ABTB2: variants seen among roughly 807,000 people sequenced by gnomAD.
ABTB2 encodes ankyrin repeat and BTB/POZ domain-containing protein 2.
Under a neutral mutation model 104.1 loss-of-function variants are expected in ABTB2, and 56 were observed. The observed-to-expected ratio is 0.54, with a 90% CI of 0.43 to 0.67. ABTB2 has a LOEUF of 0.67. ABTB2 is among the 30% of genes least tolerant of loss of function. The pLI, the probability that ABTB2 is intolerant of heterozygous loss-of-function variation, is 0.00. For synonymous variants in ABTB2, 606 were observed against 608.2 expected (o/e 1.00, Z 0.05); for missense variants, 1,279 against 1,407.7 (o/e 0.91, Z 1.46).
At chr11:34,259,977 T>C (rs530879327) in intron 1 of ABTB2, among the ~76,000 whole-genome samples, 8 of 152,234 alleles carry the variant, frequency 5.3e-5, no homozygotes, top group Admixed American at 5.2e-4. Flanking sequence ...GCTAATTTTT[T>C]ATTGTATTTT....
In ABTB2 at chr11:34,151,894, G is replaced by A. The variant is rs1350435085; in HGVS notation, c.*493C>T. 1 of 155,852 alleles carries A rather than the reference G, an allele frequency of 6.4e-6. No homozygotes were observed. The highest frequency in any genetic ancestry group is 1.4e-5 in the Non-Finnish European group (1 of 70,304). The allele number at this position is 155,852 out of a possible 1,614,324, so 9.7% of individuals were successfully genotyped here. A position where few individuals can be genotyped will look rare whatever the true frequency, so the allele number is the denominator to read the frequency against. On this transcript the variant is annotated 3_prime_UTR_variant, in exon 17 of 17. Coordinates refer to ENST00000435224, the MANE Select transcript of ABTB2 (RefSeq NM_145804.3). ...GGGATTTGGGCAGCCTTTGCTATGT[G>A]ACATTTAGGAAGAAAAATACCAGCT...
chr11:34,195,665 C>G (rs1182645407), intron 3 of ABTB2, among the ~76,000 whole-genome samples: 1 of 152,222 alleles, frequency 6.6e-6, no homozygotes, highest in Non-Finnish European at 1.5e-5. Context: ...TTAGTCTCTC[C>G]AAGCCTCCAC....
chr11:34,322,640 A>G (rs1238573508), intron 1 of ABTB2, among the ~76,000 whole-genome samples: 7 of 152,112 alleles, frequency 4.6e-5, no homozygotes, highest in Non-Finnish European at 1.0e-4. Flanking sequence ...ATTAATCATG[A>G]CAATGGCATT....
At chr11:34,271,453 A>G (rs1854312870) in intron 1 of ABTB2, among the ~76,000 whole-genome samples, 1 of 152,062 alleles carries the variant, frequency 6.6e-6, no homozygotes, top group Non-Finnish European at 1.5e-5. Flanking sequence ...AATACATACA[A>G]CTAGGCCAGG....
intron 1 of ABTB2, among the ~76,000 whole-genome samples, chr11:34,351,916 C>T (rs910088): frequency 0.16 from 23,930 of 151,982 alleles, 3,299 homozygotes; most frequent in African/African-American, 0.36. Flanking sequence ...CTAGGGTTGC[C>T]TTTCTCAGGC....
At chr11:34,313,068 C>A (rs1014379580) in intron 1 of ABTB2, among the ~76,000 whole-genome samples, 3 of 152,170 alleles carry the variant, frequency 2.0e-5, no homozygotes, top group African/African-American at 7.2e-5. Flanking sequence ...AAAATTAAAT[C>A]TATATTCATG....
intron 1 of ABTB2, among the ~76,000 whole-genome samples, chr11:34,233,906 C>T (rs994664778): frequency 6.6e-6 from 1 of 152,076 alleles, no homozygotes; most frequent in African/African-American, 2.4e-5. Context: ...ATGCTGAATC[C>T]TGTATTTTGT....
chr11:34,165,849 G>A (rs1309179548), intron 7 of ABTB2, among the ~76,000 whole-genome samples: 1 of 152,238 alleles, frequency 6.6e-6, no homozygotes, highest in Non-Finnish European at 1.5e-5. Flanking sequence ...GGGAAGAGGG[G>A]CTTGCTTCCC....
intron 1 of ABTB2, among the ~76,000 whole-genome samples, chr11:34,226,332 G>A (rs1321593891): frequency 1.3e-5 from 2 of 152,062 alleles, no homozygotes; most frequent in Non-Finnish European, 2.9e-5. Context: ...CAGTCTCCTG[G>A]AAGGGATGTT....
At chr11:34,284,563 G>T (rs1854482956) in intron 1 of ABTB2, among the ~76,000 whole-genome samples, 2 of 152,216 alleles carry the variant, frequency 1.3e-5, no homozygotes, top group Non-Finnish European at 2.9e-5. Flanking sequence ...CATGAAAGCT[G>T]ACGCTGGAAG....
intron 3 of ABTB2, among the ~76,000 whole-genome samples, chr11:34,190,270 C>CA (rs1236389462): frequency 7.5e-5 from 7 of 92,880 alleles, no homozygotes; most frequent in East Asian, 5.0e-4. Context: ...CCGCTGCCCC[C>CA]CCAAAAAAAA....
intron 1 of ABTB2, among the ~76,000 whole-genome samples, chr11:34,256,649 G>C (rs1052190665): frequency 1.3e-5 from 2 of 152,184 alleles, no homozygotes; most frequent in African/African-American, 4.8e-5. Flanking sequence ...ACATTTGGGG[G>C]CTTGGTGGAG....
chr11:34,204,528 C>G lies in ABTB2; in HGVS notation c.1030+16G>C. On this transcript the variant is annotated intron_variant, in intron 2 of 16. Transcript: ENST00000435224. ...CGTTGCTCTACCATCCAGCTAGACA[C>G]TGAGGCCACACTTACTCAGCTCCGA... 1 of 1,588,620 alleles carries G rather than the reference C, an allele frequency of 6.3e-7. No homozygotes were observed. The highest frequency in any genetic ancestry group is 1.1e-5 in the South Asian group (1 of 88,130).
intron 1 of ABTB2, among the ~76,000 whole-genome samples, chr11:34,349,014 A>C (rs1241598197): frequency 6.6e-6 from 1 of 152,214 alleles, no homozygotes; most frequent in Non-Finnish European, 1.5e-5. Context: ...GGCATTCCTC[A>C]GGAGTACTTG....
At chr11:34,193,522 C>T (rs1470778348) in intron 3 of ABTB2, among the ~76,000 whole-genome samples, 1 of 152,248 alleles carries the variant, frequency 6.6e-6, no homozygotes, top group Non-Finnish European at 1.5e-5. Context: ...GTGAGAGAGA[C>T]CTCAGGTTTG....
intron 3 of ABTB2, among the ~76,000 whole-genome samples, chr11:34,186,157 G>A (rs1453916620): frequency 1.3e-5 from 2 of 152,250 alleles, no homozygotes; most frequent in Admixed American, 1.3e-4. Context: ...ATCAGGCCCT[G>A]AACTCGGCCG....
intron 1 of ABTB2, among the ~76,000 whole-genome samples, chr11:34,234,305 G>A (rs1360945678): frequency 6.6e-6 from 1 of 152,136 alleles, no homozygotes; most frequent in Admixed American, 6.5e-5. Context: ...GGAAAGCATG[G>A]GGGGATGCCA....
At chr11:34,328,656 C>T (rs555461894) in intron 1 of ABTB2, among the ~76,000 whole-genome samples, 1 of 152,184 alleles carries the variant, frequency 6.6e-6, no homozygotes, top group African/African-American at 2.4e-5. Flanking sequence ...CTAGAGATGC[C>T]GGCCACCGGG....
chr11:34,338,846 C>A (rs1195780977), intron 1 of ABTB2, among the ~76,000 whole-genome samples: 1 of 152,082 alleles, frequency 6.6e-6, no homozygotes, highest in African/African-American at 2.4e-5. Flanking sequence ...GTCTCATCAG[C>A]CTTGGAGGAA....
Sources: allele counts gnomAD v4.1 joint callset (sites outside exome capture counted in the v4.1 genomes callset), GRCh38; gene constraint gnomAD v4.1.1; transcripts MANE v1.5; gene names NCBI Gene and HGNC (gene_info 2026-07-23, HGNC 2026-07-21).